The following ATP1A1 variants were observed in gnomAD, a reference collection of about 807,000 sequenced individuals.
ATP1A1 encodes ATPase Na+/K+ transporting subunit alpha 1, also known as sodium/potassium-transporting ATPase subunit alpha-1.
A neutral mutation model predicts 114.8 loss-of-function variants in ATP1A1; 14 were observed. That is an observed-to-expected ratio of 0.12 (90% confidence interval 0.08 to 0.19). The LOEUF is 0.19. Ranked by LOEUF, ATP1A1 falls within the 10% of genes least tolerant of loss-of-function variation. ATP1A1 has a pLI of 1.00. For missense variants in ATP1A1, 524 were observed against 1,290.7 expected (o/e 0.41, Z 9.10); for synonymous variants, 471 against 466.3 (o/e 1.01, Z -0.13).
rs1352976570 is a variant in ATP1A1 at position 116,373,274 on chromosome 1, A to G, written c.-238A>G. 3 of 392,206 alleles carry G rather than the reference A, an allele frequency of 7.6e-6. No homozygotes were observed. Among genetic ancestry groups the G allele is most frequent in the Admixed American group, 4.7e-5 (1 of 21,412 alleles). 24.3% of individuals were successfully genotyped at this position (392,206 alleles called of 1,614,324 possible). On this transcript the variant is annotated 5_prime_UTR_variant, in exon 1 of 23. Transcript: ENST00000295598. Reference sequence around the variant, plus strand: ...TGCGGCGGGGTCTGGGGCGCAGAGCAGCGGCGGGAGGAGGCGGACACGTGG... The same window carrying G: ...TGCGGCGGGGTCTGGGGCGCAGAGCGGCGGCGGGAGGAGGCGGACACGTGG...
Position 116,373,486 on chromosome 1 carries a change from G to A in ATP1A1, c.-26G>A. 1 of 1,505,120 alleles carries A rather than the reference G, an allele frequency of 6.6e-7. No individual in the cohort carries two copies. Among genetic ancestry groups the A allele is most frequent in the African/African-American group, 1.5e-5 (1 of 68,574 alleles). The allele number at this position is 1,505,120 out of a possible 1,614,324, so 93.2% of individuals were successfully genotyped here. On this transcript the variant is annotated 5_prime_UTR_variant, in exon 1 of 23. Transcript: ENST00000295598. ...CTCTGATTCTCCAGCGACAGGACCC[G>A]GCGCCGGGCACTGAGCACCGCCACC... is the stretch of plus-strand genomic sequence containing the variant.
chr1:116,397,956 T>C lies in ATP1A1; in HGVS notation c.2042T>C (p.Ile681Thr). ...KDMTSEQLDD[I>T]LKYHTEIVFA... ...ATGACCTCCGAGCAGCTGGATGACA[T>C]TTTGAAGTACCACACTGAGATAGTG... The change falls in exon 15 of 23, where the codon ATT becomes ACT. Residue 681 changes from isoleucine to threonine, a missense_variant. Around this residue, in one of 8 missense-constraint regions of ATP1A1, gnomAD observed 47 missense variants for 79.8 expected, o/e 0.59. Coordinates refer to ENST00000295598, the MANE Select transcript of ATP1A1 (RefSeq NM_000701.8). The surrounding 1 kb of genome is among the most constrained non-coding windows in gnomAD (Gnocchi z 4.2). 2.5e-6 allele frequency: 4 copies of C among 1,613,528 alleles called. No individual in the cohort carries two copies. The highest frequency in any genetic ancestry group is 3.4e-6 in the Non-Finnish European group (4 of 1,179,904).
rs1238111882 is a variant in ATP1A1, at chr1:116,388,894, A to C, written c.637-8A>C. On this transcript the variant is annotated splice_region_variant and splice_polypyrimidine_tract_variant and intron_variant, in intron 6 of 22. Transcript: ENST00000295598. This position sits in a 1 kb window ranked among gnomAD's most constrained non-coding sequence, Gnocchi z 5.6. ...ACATGACATTTTTCTTCTTTTCCTCACATATAGGTGGATAACTCCTCGCTC... is the reference window on the plus strand; with the variant it reads ...ACATGACATTTTTCTTCTTTTCCTCCCATATAGGTGGATAACTCCTCGCTC... 2 of 1,613,448 alleles carry C rather than the reference A, an allele frequency of 1.2e-6. No homozygotes were observed. Among genetic ancestry groups the C allele is most frequent in the African/African-American group, 2.7e-5 (2 of 74,810 alleles).
At chr1:116,390,536 G>GTTTTTTTTTTTT in intron 9 of ATP1A1, 125 bp downstream of exon 9, 1 of 693,388 alleles carries the variant, frequency 1.4e-6, no homozygotes. Flanking sequence ...TTTCTTTTTT[G>GTTTTTTTTTTTT]TTTTTTTTTT....
In ATP1A1 at chr1:116,374,150, A is replaced by G. The variant is rs1651194116; in HGVS notation, c.12+627A>G. On this transcript the variant is annotated intron_variant, in intron 1 of 22. Coordinates refer to ENST00000295598, the MANE Select transcript of ATP1A1 (RefSeq NM_000701.8). ...GCGCAGAGGCGGCCGCCCTCCCCCAAAGAAAAAACTGGCTGCTTCTAAGTG... is the reference window on the plus strand; with the variant it reads ...GCGCAGAGGCGGCCGCCCTCCCCCAGAGAAAAAACTGGCTGCTTCTAAGTG... 16 of 1,548,680 alleles carry G rather than the reference A, an allele frequency of 1.0e-5. 1 individual carries two copies. The South Asian group carries it at 1.5e-4, about 15-fold the overall frequency.
At position 116,389,345 on chromosome 1, in the gene ATP1A1, G is replaced by GT. The variant is rs1557785317; in HGVS notation, c.755-87dup. 25 of 1,504,870 alleles carry GT rather than the reference G, an allele frequency of 1.7e-5. No individual in the cohort carries two copies. Among genetic ancestry groups the GT allele is most frequent in the South Asian group, 3.9e-5 (3 of 77,804 alleles). 93.2% of individuals were successfully genotyped at this position (1,504,870 alleles called of 1,614,324 possible). On this transcript the variant is annotated intron_variant, in intron 7 of 22. Coordinates refer to ENST00000295598, the MANE Select transcript of ATP1A1 (RefSeq NM_000701.8). This position sits in a 1 kb window ranked among gnomAD's most constrained non-coding sequence, Gnocchi z 6.9. Reference sequence around the variant, plus strand: ...AAAAGTGCTTTTATCAACTCTTTTTGTTTTTTTAGTCATCCTATGTAATTG... The same window carrying GT: ...AAAAGTGCTTTTATCAACTCTTTTTGTTTTTTTTAGTCATCCTATGTAATTG...
Position 116,399,755 on chromosome 1 carries a change from A to C in ATP1A1, c.2572+212A>C, listed in dbSNP as rs1279551310. Reference sequence around the variant, plus strand: ...TGTTTGCCCAGTTACCTTTTGTGGAAACTGGTTTTCTATACTGAGCACCTT... The same window carrying C: ...TGTTTGCCCAGTTACCTTTTGTGGACACTGGTTTTCTATACTGAGCACCTT... On this transcript the variant is annotated intron_variant, in intron 18 of 22. Coordinates refer to ENST00000295598, the MANE Select transcript of ATP1A1 (RefSeq NM_000701.8). The surrounding 1 kb of genome is among the most constrained non-coding windows in gnomAD (Gnocchi z 5.0). 2.0e-5 allele frequency among the ~76,000 whole-genome samples: 3 copies of C among 152,142 alleles called. No individual in the cohort carries two copies. Among genetic ancestry groups the C allele is most frequent in the Non-Finnish European group, 4.4e-5 (3 of 68,018 alleles).
Position 116,395,205 on chromosome 1 carries a change from G to C in ATP1A1, c.1756G>C (p.Val586Leu), listed in dbSNP as rs780464509. ...VNFPIDNLCF[V>L]GLISMIDPPR... Reference sequence around the variant, plus strand: ...TTTCCCTATCGATAATCTGTGCTTTGTTGGGCTCATCTCCATGATTGACCC... The same window carrying C: ...TTTCCCTATCGATAATCTGTGCTTTCTTGGGCTCATCTCCATGATTGACCC... Residue 586 changes from valine (V) to leucine (L), a missense_variant, in exon 13 of 23, where the codon GTT becomes CTT. By Grantham distance (32) the Val-to-Leu change is conservative. Transcript: ENST00000295598. The surrounding 1 kb of genome is among the most constrained non-coding windows in gnomAD (Gnocchi z 6.4). 2.5e-6 allele frequency: 4 copies of C among 1,614,178 alleles called. No individual in the cohort carries two copies. The South Asian group carries it at 3.3e-5, about 13-fold the overall frequency.
intron 1 of ATP1A1, among the ~76,000 whole-genome samples, chr1:116,379,219 G>C (rs1651580018): frequency 6.6e-6 from 1 of 152,192 alleles, no homozygotes; most frequent in Non-Finnish European, 1.5e-5. Context: ...TTTGACCCTT[G>C]CTGGCTGCTG....
chr1:116,382,909 A>G (rs1651837302), intron 1 of ATP1A1, among the ~76,000 whole-genome samples: 1 of 152,280 alleles, frequency 6.6e-6, no homozygotes. Flanking sequence ...GAAAATTGCT[A>G]ATGTCTACTT....
rs1311327658 is a variant in ATP1A1, at chr1:116,384,785, T to C, written c.126T>C (p.Asp42=). 2 of 1,611,720 alleles carry C rather than the reference T, an allele frequency of 1.2e-6. No homozygotes were observed. ...MDELKKEVSM[D]DHKLSLDELH... is the part of the protein sequence containing the mutation. ...TCTTTGTTTCTGTTTTCCCTTAGGA[T>C]GATCATAAACTTAGCCTTGATGAAC... Residue 42 remains aspartate, a splice_region_variant and synonymous_variant, in exon 3 of 23, where the codon GAT becomes GAC. Transcript: ENST00000295598. The surrounding 1 kb of genome is among the most constrained non-coding windows in gnomAD (Gnocchi z 5.1).
chr1:116,388,291 A>G lies in ATP1A1; in HGVS notation c.501+47A>G. The G allele has an allele frequency of 7.1e-7, 1 of 1,410,426 alleles. No homozygotes were observed. The highest frequency in any genetic ancestry group is 1.2e-5 in the South Asian group (1 of 86,482). 87.4% of individuals were successfully genotyped at this position (1,410,426 alleles called of 1,614,324 possible). A position where few individuals can be genotyped will look rare whatever the true frequency, so the allele number is the denominator to read the frequency against. On this transcript the variant is annotated intron_variant, in intron 5 of 22. Transcript: ENST00000295598. This position sits in a 1 kb window ranked among gnomAD's most constrained non-coding sequence, Gnocchi z 5.6. Reference sequence around the variant, plus strand: ...CCCAGTGGATGACTTGACAGCCCCAAGCATGTCAGCCTGTGAATTAGTGTG... The same window carrying G: ...CCCAGTGGATGACTTGACAGCCCCAGGCATGTCAGCCTGTGAATTAGTGTG...
rs1241370939 is a variant in ATP1A1, at chr1:116,393,748, G to A, written c.1660+25G>A. ...GGTATGCAGATAACCTGGTAACAGAGTGCCTGGGCACGTTTTTATCCAGTA... is the reference window on the plus strand; with the variant it reads ...GGTATGCAGATAACCTGGTAACAGAATGCCTGGGCACGTTTTTATCCAGTA... On this transcript the variant is annotated intron_variant, in intron 12 of 22. Transcript: ENST00000295598. This position sits in a 1 kb window ranked among gnomAD's most constrained non-coding sequence, Gnocchi z 5.0. 1 of 1,602,496 alleles carries A rather than the reference G, an allele frequency of 6.2e-7. No individual in the cohort carries two copies. The highest frequency in any genetic ancestry group is 1.1e-5 in the South Asian group (1 of 90,026).
At chr1:116,402,223 A>G (rs1475911994) in intron 21 of ATP1A1, among the ~76,000 whole-genome samples, 1 of 152,214 alleles carries the variant, frequency 6.6e-6, no homozygotes, top group Admixed American at 6.5e-5. Context: ...CATTTCAGAT[A>G]AACTTGAATT....
chr1:116,376,787 A>G (rs1651402503), intron 1 of ATP1A1, among the ~76,000 whole-genome samples: 1 of 152,112 alleles, frequency 6.6e-6, no homozygotes, highest in Non-Finnish European at 1.5e-5. Context: ...AAACCAAAAC[A>G]AAAAAACAAA....
At chr1:116,394,966 C>G (rs1652787014) in intron 12 of ATP1A1, 144 bp from the exon 13 acceptor site, 2 of 764,392 alleles carry the variant, frequency 2.6e-6, no homozygotes, top group South Asian at 2.2e-5. Context: ...AAATAAAACC[C>G]TCACTCTGTT....
Position 116,401,710 on chromosome 1 carries a change from C to G in ATP1A1, c.2951+55C>G. ...GTATGAAATAGTATGTGTGGCTTTTCCCCCCATTACTTGTGGTAATAGTTG... is the reference window on the plus strand; with the variant it reads ...GTATGAAATAGTATGTGTGGCTTTTGCCCCCATTACTTGTGGTAATAGTTG... On this transcript the variant is annotated intron_variant, in intron 21 of 22. Coordinates refer to ENST00000295598, the MANE Select transcript of ATP1A1 (RefSeq NM_000701.8). This position sits in a 1 kb window ranked among gnomAD's most constrained non-coding sequence, Gnocchi z 4.7. 3 of 1,509,920 alleles carry G rather than the reference C, an allele frequency of 2.0e-6. No individual in the cohort carries two copies. Among genetic ancestry groups the G allele is most frequent in the Non-Finnish European group, 2.7e-6 (3 of 1,091,600 alleles). The allele number at this position is 1,509,920 out of a possible 1,614,324, so 93.5% of individuals were successfully genotyped here. A position where few individuals can be genotyped will look rare whatever the true frequency, so the allele number is the denominator to read the frequency against.
Position 116,399,604 on chromosome 1 carries a change from A to C in ATP1A1, c.2572+61A>C. 1 of 1,602,798 alleles carries C rather than the reference A, an allele frequency of 6.2e-7. No individual in the cohort carries two copies. The highest frequency in any genetic ancestry group is 8.5e-7 in the Non-Finnish European group (1 of 1,173,984). The stretch of plus-strand genomic sequence containing the variant: ...TAAGGCATCTGAGGTGATGGTGTCC[A>C]CCTCAGGTTGAGGTTGATTTCAGAG... On this transcript the variant is annotated intron_variant, in intron 18 of 22. Coordinates refer to ENST00000295598, the MANE Select transcript of ATP1A1 (RefSeq NM_000701.8). The surrounding 1 kb of genome is among the most constrained non-coding windows in gnomAD (Gnocchi z 5.0).
At chr1:116,382,083 G>A (rs1386656315) in intron 1 of ATP1A1, among the ~76,000 whole-genome samples, 1 of 152,140 alleles carries the variant, frequency 6.6e-6, no homozygotes, top group Non-Finnish European at 1.5e-5. Context: ...GCTGAAGCAG[G>A]GAATTGCTTG....
Sources: gnomAD v4.1 joint callset for allele counts (sites outside exome capture counted in the v4.1 genomes callset) on GRCh38, gnomAD v4.1.1 for gene constraint, gnomAD v4.1.1 regional missense constraint, Gnocchi (gnomAD v3.1) non-coding constraint, MANE v1.5 for transcripts, NCBI Gene and HGNC (gene_info 2026-07-23, HGNC 2026-07-21) for gene names.